DGKD: variants seen among roughly 807,000 people sequenced by gnomAD.
DGKD encodes the protein DAG kinase delta.
A neutral mutation model predicts 154.4 loss-of-function variants in DGKD; 68 were observed. The ratio of observed to expected loss-of-function variants is 0.44; its 90% CI spans 0.36 to 0.54. DGKD has a LOEUF of 0.54. Ranked by LOEUF, DGKD falls within the 20% of genes least tolerant of loss-of-function variation. The pLI is 0.00. For missense variants in DGKD, 1,343 were observed against 1,593.6 expected (o/e 0.84, Z 2.68); for synonymous variants, 693 against 638.0 (o/e 1.09, Z -1.30).
At position 233,469,493 on chromosome 2, in the gene DGKD, C is replaced by CCCG. The variant is rs779086668; in HGVS notation, c.*40_*42dup. 6 of 1,551,254 alleles carry CCCG rather than the reference C, an allele frequency of 3.9e-6. No homozygotes were observed. Among genetic ancestry groups the CCCG allele is most frequent in the Admixed American group, 3.8e-5 (2 of 52,636 alleles). ...CCTCTCAGCCTGTGGCCTCCACATC[C>CCCG]CCGCCGCCGAGGCCTAGCCTCCGCC... On this transcript the variant is annotated 3_prime_UTR_variant, in exon 30 of 30. Coordinates refer to ENST00000264057, the MANE Select transcript of DGKD (RefSeq NM_152879.3).
rs890052102 is a variant in DGKD, at chr2:233,440,333, T to C, written c.1086-1554T>C. Among the ~76,000 whole-genome samples the C allele has an allele frequency of 1.1e-4, 16 of 152,148 alleles. No individual in the cohort carries two copies. The stretch of plus-strand genomic sequence containing the variant: ...CCTGGGCTTGGTGCCGCATCACCTA[T>C]GCCTGTCTGTCTTCTGAGCACTCAT... On this transcript the variant is annotated intron_variant, in intron 9 of 29. Transcript: ENST00000264057. This position sits in a 1 kb window ranked among gnomAD's most constrained non-coding sequence, Gnocchi z 4.9.
Position 233,354,872 on chromosome 2 carries a change from G to A in DGKD, c.156+198G>A, listed in dbSNP as rs1483431109. On this transcript the variant is annotated intron_variant, in intron 1 of 29. Coordinates refer to ENST00000264057, the MANE Select transcript of DGKD (RefSeq NM_152879.3). The surrounding 1 kb of genome is among the most constrained non-coding windows in gnomAD (Gnocchi z 4.8). The stretch of plus-strand genomic sequence containing the variant: ...CCGGGCGGAGCGCGCGGCCCCCGAC[G>A]GACGGCGGGCGGCTGTGGGGCCGGG... Among the ~76,000 whole-genome samples the A allele has an allele frequency of 6.9e-6, 1 of 145,130 alleles. No homozygotes were observed.
chr2:233,394,691 C>CTTTTTTTTTTTTTT (rs1162430401), intron 3 of DGKD, among the ~76,000 whole-genome samples: 2 of 26,408 alleles, frequency 7.6e-5, no homozygotes, highest in African/African-American at 2.2e-4. Context: ...ATTTAATTCC[C>CTTTTTTTTTTTTTT]TTTTTTTTTT....
At chr2:233,399,758 A>G (rs1442811256) in intron 3 of DGKD, among the ~76,000 whole-genome samples, 1 of 152,164 alleles carries the variant, frequency 6.6e-6, no homozygotes, top group Non-Finnish European at 1.5e-5. Flanking sequence ...CGAGATCTGC[A>G]GGGAAGAGTT....
chr2:233,370,556 T>G (rs914290107), intron 1 of DGKD, among the ~76,000 whole-genome samples: 2 of 148,516 alleles, frequency 1.3e-5, no homozygotes, highest in South Asian at 4.2e-4. Context: ...ACGTTGTACG[T>G]TTCAGAACTT....
chr2:233,409,484 T>A (rs1268351742), intron 3 of DGKD, among the ~76,000 whole-genome samples: 1 of 152,012 alleles, frequency 6.6e-6, no homozygotes, highest in East Asian at 1.9e-4. Context: ...CACGGTGTGA[T>A]TGAGCCAAGT....
chr2:233,403,604 G>T, intron 3 of DGKD, among the ~76,000 whole-genome samples: 1 of 151,914 alleles, frequency 6.6e-6, no homozygotes, highest in East Asian at 1.9e-4. Context: ...TGTTCCCACA[G>T]TAGCTCTGCA....
chr2:233,390,922 A>G (rs145859860), intron 3 of DGKD, among the ~76,000 whole-genome samples: 2 of 152,262 alleles, frequency 1.3e-5, no homozygotes, highest in East Asian at 3.9e-4. Flanking sequence ...TAGTAGAGAC[A>G]GGGTTTCTCC....
Position 233,354,824 on chromosome 2 carries a change from C to T in DGKD, c.156+150C>T, listed in dbSNP as rs926248005. ...GTCACCGCCCCTGTCGAGCGTGCCCCGCCGCTGTAACGGGCCGGCGCCCCG... is the reference window on the plus strand; with the variant it reads ...GTCACCGCCCCTGTCGAGCGTGCCCTGCCGCTGTAACGGGCCGGCGCCCCG... On this transcript the variant is annotated intron_variant, in intron 1 of 29. Transcript: ENST00000264057. This position sits in a 1 kb window ranked among gnomAD's most constrained non-coding sequence, Gnocchi z 4.8. The T allele has an allele frequency of 6.1e-5, 19 of 309,840 alleles. No homozygotes were observed. Among genetic ancestry groups the T allele is most frequent in the East Asian group, 1.8e-4 (1 of 5,664 alleles). The allele number at this position is 309,840 out of a possible 1,614,324, so 19.2% of individuals were successfully genotyped here.
chr2:233,406,582 A>T (rs566140757), intron 3 of DGKD, among the ~76,000 whole-genome samples: 8 of 152,358 alleles, frequency 5.3e-5, no homozygotes, highest in African/African-American at 1.4e-4. Flanking sequence ...GTAGGAGTTC[A>T]TAACCAGGAT....
At chr2:233,425,449 A>G (rs2062263347) in intron 3 of DGKD, among the ~76,000 whole-genome samples, 1 of 152,158 alleles carries the variant, frequency 6.6e-6, no homozygotes, top group Admixed American at 6.5e-5. Flanking sequence ...AGCCTCCCAA[A>G]GTGCTGGGAT....
At chr2:233,435,546 T>C (rs2062660522) in intron 5 of DGKD, among the ~76,000 whole-genome samples, 1 of 152,232 alleles carries the variant, frequency 6.6e-6, no homozygotes, top group African/African-American at 2.4e-5. Context: ...AGTTGATTAG[T>C]GGTGACGGAA....
At chr2:233,417,082 G>C (rs1183312284) in intron 3 of DGKD, among the ~76,000 whole-genome samples, 1 of 152,098 alleles carries the variant, frequency 6.6e-6, no homozygotes, top group African/African-American at 2.4e-5. Flanking sequence ...ATCCAGGCTG[G>C]AGTGCAGTTG....
chr2:233,417,327 CT>C (rs778419642), intron 3 of DGKD, among the ~76,000 whole-genome samples: 1 of 152,236 alleles, frequency 6.6e-6, no homozygotes, highest in Non-Finnish European at 1.5e-5. Context: ...GCCCCTGCGC[CT>C]AGCCCCCCTT....
intron 28 of DGKD, 110 bp from the exon 29 acceptor site, chr2:233,468,313 G>A: frequency 7.2e-7 from 1 of 1,379,888 alleles, no homozygotes; most frequent in Non-Finnish European, 9.9e-7. Context: ...CTGGCTGTTG[G>A]GACGTCTCCT....
At chr2:233,455,033 C>T (rs2063411406) in intron 19 of DGKD, among the ~76,000 whole-genome samples, 160 bp downstream of exon 19, 1 of 152,152 alleles carries the variant, frequency 6.6e-6, no homozygotes, top group Non-Finnish European at 1.5e-5. Flanking sequence ...AGCACGGGTG[C>T]TTTCAGAGAT....
chr2:233,420,760 C>G (rs2062087679), intron 3 of DGKD, among the ~76,000 whole-genome samples: 1 of 152,332 alleles, frequency 6.6e-6, no homozygotes, highest in Non-Finnish European at 1.5e-5. Flanking sequence ...CCGCAGAGCT[C>G]CTGACAGGCG....
At chr2:233,421,706 G>A (rs2062120926) in intron 3 of DGKD, among the ~76,000 whole-genome samples, 2 of 152,070 alleles carry the variant, frequency 1.3e-5, no homozygotes, top group African/African-American at 4.8e-5. Flanking sequence ...GAGTCCCCTG[G>A]CCCCCAGACC....
At chr2:233,461,126 G>A (rs1443633724) in intron 24 of DGKD, among the ~76,000 whole-genome samples, 2 of 152,114 alleles carry the variant, frequency 1.3e-5, no homozygotes, top group African/African-American at 2.4e-5. Context: ...AGCATTGTCT[G>A]CCATTCCTGC....
Sources: allele counts gnomAD v4.1 joint callset (sites outside exome capture counted in the v4.1 genomes callset), GRCh38; gene constraint gnomAD v4.1.1; non-coding constraint Gnocchi (gnomAD v3.1); transcripts MANE v1.5; gene names NCBI Gene and HGNC (gene_info 2026-07-23, HGNC 2026-07-21).